Variants in THEMIS observed in about 807,000 individuals in gnomAD.
THEMIS encodes the protein thymocyte selection associated, also known as protein THEMIS.
In THEMIS, 37 loss-of-function variants were observed where a neutral mutation model predicts 52.6. That is an observed-to-expected ratio of 0.70 (90% CI 0.54 to 0.93). The LOEUF (loss-of-function observed/expected upper bound fraction) is 0.93, where lower values mean the gene tolerates loss of function less well. Among genes scored for constraint, THEMIS ranks in the 40% least tolerant of loss-of-function variants. The probability of loss-of-function intolerance (pLI) is 0.00; values close to 1 mark genes in which losing one functional copy is unlikely to be tolerated. For synonymous variants in THEMIS, 292 were observed against 272.7 expected, an observed-to-expected ratio of 1.07 and a Z score of -0.70; for missense variants, 808 against 763.1, an observed-to-expected ratio of 1.06 and a Z score of -0.69.
At chr6:127,794,518 G>T (rs1478055283) in intron 4 of THEMIS, among the ~76,000 whole-genome samples, 1 of 152,132 alleles carries the variant, frequency 6.6e-6, no homozygotes, top group Non-Finnish European at 1.5e-5. Context: ...ATTTAATACA[G>T]GGTCTTAGTA....
chr6:127,901,663 T>C (rs1361244103), upstream of THEMIS, among the ~76,000 whole-genome samples: 3 of 152,112 alleles, frequency 2.0e-5, no homozygotes, highest in Non-Finnish European at 4.4e-5. Flanking sequence ...TACACTATAG[T>C]AGAAAGTATT....
intron 1 of THEMIS, among the ~76,000 whole-genome samples, chr6:127,886,561 C>T (rs1780651027): frequency 6.6e-6 from 1 of 152,110 alleles, no homozygotes; most frequent in African/African-American, 2.4e-5. Context: ...CTGGACCACA[C>T]TGTATAAGTC....
chr6:127,864,437 G>T (rs948759910), intron 1 of THEMIS, among the ~76,000 whole-genome samples: 2 of 152,130 alleles, frequency 1.3e-5, no homozygotes, highest in African/African-American at 4.8e-5. Flanking sequence ...ATGCTTTGCA[G>T]TTAGTTTGAA....
chr6:127,842,609 G>C (rs941031869), intron 2 of THEMIS, among the ~76,000 whole-genome samples: 1 of 151,848 alleles, frequency 6.6e-6, no homozygotes, highest in Admixed American at 6.6e-5. Context: ...GGGAGCTAGA[G>C]GTAGCAGGTT....
chr6:127,716,338 C>T (rs1447102134), intron 5 of THEMIS, among the ~76,000 whole-genome samples: 2 of 151,858 alleles, frequency 1.3e-5, no homozygotes, highest in East Asian at 1.9e-4. Flanking sequence ...GAGTGACCCA[C>T]ATAATAATCA....
At chr6:127,868,728 A>G (rs893485568) in intron 1 of THEMIS, among the ~76,000 whole-genome samples, 2 of 152,166 alleles carry the variant, frequency 1.3e-5, no homozygotes, top group Non-Finnish European at 2.9e-5. Context: ...CTTAATGGAG[A>G]CGATAAGCTG....
At chr6:127,853,535 G>A (rs1044167349) in intron 2 of THEMIS, among the ~76,000 whole-genome samples, 5 of 151,648 alleles carry the variant, frequency 3.3e-5, no homozygotes, top group Admixed American at 2.0e-4. Context: ...GAACAATGTG[G>A]AAAGTTTCAT....
At chr6:127,866,782 A>G (rs979737062) in intron 1 of THEMIS, among the ~76,000 whole-genome samples, 4 of 151,844 alleles carry the variant, frequency 2.6e-5, no homozygotes, top group Non-Finnish European at 4.4e-5. Context: ...ACACAAAGAA[A>G]TAACCAATAA....
At chr6:127,706,180 T>G (rs2114436288), downstream of THEMIS, among the ~76,000 whole-genome samples, 1 of 151,962 alleles carries the variant, frequency 6.6e-6, no homozygotes, top group African/African-American at 2.4e-5. Context: ...CTAAAAAACC[T>G]TGATGTAATA....
intron 4 of THEMIS, among the ~76,000 whole-genome samples, chr6:127,757,753 G>A (rs1011953089): frequency 6.6e-6 from 1 of 152,088 alleles, no homozygotes; most frequent in African/African-American, 2.4e-5. Flanking sequence ...AAAGTGCTGG[G>A]ATTACAGGCA....
intron 1 of THEMIS, among the ~76,000 whole-genome samples, chr6:127,863,955 C>T (rs1343583616): frequency 6.6e-6 from 1 of 152,126 alleles, no homozygotes; most frequent in Non-Finnish European, 1.5e-5. Context: ...TAGCTGGATT[C>T]TTCCCCTGTG....
At chr6:127,797,947 T>A (rs961709807) in intron 4 of THEMIS, among the ~76,000 whole-genome samples, 6 of 152,200 alleles carry the variant, frequency 3.9e-5, no homozygotes, top group African/African-American at 1.4e-4. Context: ...GGCATTTTGT[T>A]CTCAGGCTTT....
chr6:127,828,725 G>A (rs1231378193), intron 3 of THEMIS, among the ~76,000 whole-genome samples: 2 of 152,118 alleles, frequency 1.3e-5, no homozygotes, highest in African/African-American at 4.8e-5. Flanking sequence ...GAGGTGACGT[G>A]GGCCGATCAC....
intron 1 of THEMIS, chr6:127,868,504 A>G: frequency 2.0e-6 from 2 of 985,138 alleles, no homozygotes; most frequent in Non-Finnish European, 2.4e-6. Flanking sequence ...CTGGTGTGCC[A>G]CAAATTGGTT....
chr6:127,855,317 A>G (rs1167922618), intron 1 of THEMIS, 129 bp from the exon 2 acceptor site: 26 of 787,552 alleles, frequency 3.3e-5, no homozygotes, highest in African/African-American at 1.1e-4. Flanking sequence ...CAGGAATTTA[A>G]TCAAGCTTGG....
the THEMIS span, among the ~76,000 whole-genome samples, chr6:127,699,365 T>C: frequency 1.3e-5 from 2 of 151,328 alleles, no homozygotes; most frequent in South Asian, 2.1e-4. Context: ...CATTATTTAA[T>C]TAAGTAACAT....
At chr6:127,802,456 G>A (rs539296133) in intron 4 of THEMIS, among the ~76,000 whole-genome samples, 36 of 152,294 alleles carry the variant, frequency 2.4e-4, no homozygotes, top group South Asian at 2.1e-4. Flanking sequence ...AAAGGTGGGC[G>A]TAGCTACCAT....
chr6:127,802,466 T>C (rs1322380048), intron 4 of THEMIS, among the ~76,000 whole-genome samples: 1 of 152,196 alleles, frequency 6.6e-6, no homozygotes, highest in Non-Finnish European at 1.5e-5. Context: ...GTAGCTACCA[T>C]AATGGACAGC....
At chr6:127,875,492 C>A (rs147398573) in intron 1 of THEMIS, among the ~76,000 whole-genome samples, 2 of 152,254 alleles carry the variant, frequency 1.3e-5, no homozygotes, top group East Asian at 1.9e-4. Context: ...TCTCTTCCCA[C>A]CTTGAGACTT....
Sources: allele counts gnomAD v4.1 joint callset (sites outside exome capture counted in the v4.1 genomes callset), GRCh38; gene constraint gnomAD v4.1.1; transcripts MANE v1.5; gene names NCBI Gene and HGNC (gene_info 2026-07-23, HGNC 2026-07-21).